The following SLC25A31 variants were observed in gnomAD, a reference collection of about 807,000 sequenced individuals.
The protein encoded by SLC25A31 is ADP/ATP translocase 4.
SLC25A31 carries 40 observed loss-of-function variants against 36.2 expected under a neutral mutation model. The observed-to-expected ratio is 1.10, with a 90% CI of 0.86 to 1.44. The LOEUF is 1.44. SLC25A31 is among the 40% of genes most tolerant of loss of function. SLC25A31 has a pLI of 0.00. For missense variants in SLC25A31, 350 were observed against 397.1 expected, an observed-to-expected ratio of 0.88 and a Z score of 1.01; for synonymous variants, 143 against 149.7, an observed-to-expected ratio of 0.96 and a Z score of 0.32.
intron 1 of SLC25A31, among the ~76,000 whole-genome samples, chr4:127,735,872 A>ATTTTTTTT (rs1560630379): frequency 1.2e-5 from 1 of 84,470 alleles, no homozygotes; most frequent in African/African-American, 3.7e-5. Flanking sequence ...CTTTTATTTT[A>ATTTTTTTT]TTTATTTATT....
At chr4:127,764,629 C>T (rs1379337113) in intron 3 of SLC25A31, among the ~76,000 whole-genome samples, 8 of 151,998 alleles carry the variant, frequency 5.3e-5, no homozygotes, top group African/African-American at 1.9e-4. Flanking sequence ...AAAGCCCTTC[C>T]TAGATTTTTT....
rs756860017 is a variant in SLC25A31 at position 127,730,669 on chromosome 4, G to A, written c.124G>A (p.Glu42Lys). ...GTCCAAGACAGCGGTGGCGCCCATC[G>A]AGCGGGTGAAGCTGCTGCTGCAGGT... is the stretch of plus-strand genomic sequence containing the variant. ...AVSKTAVAPI[E>K]RVKLLLQVQA... The change falls in exon 1 of 6, where the codon GAG becomes AAG. Residue 42 changes from glutamate to lysine, a missense_variant. Glu to Lys is a moderately conservative substitution (Grantham distance 56). Transcript: ENST00000281154. The A allele has an allele frequency of 2.5e-6, 4 of 1,613,890 alleles. No individual in the cohort carries two copies. Among genetic ancestry groups the A allele is most frequent in the Non-Finnish European group, 3.4e-6 (4 of 1,179,946 alleles).
rs1732146385 is a variant in SLC25A31, at chr4:127,761,797, G to T, written c.361-2446G>T. 3.9e-5 allele frequency among the ~76,000 whole-genome samples: 6 copies of T among 152,262 alleles called. 1 individual carries two copies. In the South Asian group the frequency reaches 1.2e-3, roughly 32 times the overall value. ...TATAGCTTTAAACAGTCTCCAAAAA[G>T]TCTAAGACATTAACTTTTCCTTTTC... On this transcript the variant is annotated intron_variant, in intron 2 of 5. Coordinates refer to ENST00000281154, the MANE Select transcript of SLC25A31 (RefSeq NM_031291.4).
intron 1 of SLC25A31, among the ~76,000 whole-genome samples, chr4:127,741,719 T>C (rs1291615003): frequency 6.6e-6 from 1 of 152,200 alleles, no homozygotes; most frequent in Non-Finnish European, 1.5e-5. Flanking sequence ...CGGGGTAATG[T>C]TGGCCTTGTA....
chr4:127,749,250 T>C (rs1216281751), intron 2 of SLC25A31, among the ~76,000 whole-genome samples: 1 of 151,958 alleles, frequency 6.6e-6, no homozygotes, highest in Non-Finnish European at 1.5e-5. Flanking sequence ...ATATAAAGAC[T>C]GAAGAAAGCA....
intron 5 of SLC25A31, 81 bp downstream of exon 5, chr4:127,768,958 G>A: frequency 3.0e-6 from 4 of 1,336,598 alleles, no homozygotes; most frequent in Non-Finnish European, 4.0e-6. Context: ...TAAGAGAAAT[G>A]TTGGCTGAAA....
chr4:127,766,980 C>A, intron 3 of SLC25A31, 86 bp from the exon 4 acceptor site: 1 of 1,155,520 alleles, frequency 8.7e-7, no homozygotes, highest in Non-Finnish European at 1.2e-6. Flanking sequence ...AATTTCAGAT[C>A]ATTTAGATCT....
At position 127,757,458 on chromosome 4, in the gene SLC25A31, A is replaced by T. The variant is rs541137838; in HGVS notation, c.361-6785A>T. Among the ~76,000 whole-genome samples, 64 of 152,290 alleles carry T rather than the reference A, an allele frequency of 4.2e-4. No homozygotes were observed. The South Asian group carries it at 0.012, about 30-fold the overall frequency. ...AGCTGCATCCATGTTGCTGCCAAGG[A>T]CATTATTTCATTCTTTTTTTAAAGC... is the stretch of plus-strand genomic sequence containing the variant. On this transcript the variant is annotated intron_variant, in intron 2 of 5. Coordinates refer to ENST00000281154, the MANE Select transcript of SLC25A31 (RefSeq NM_031291.4).
chr4:127,743,086 C>G (rs375997770), intron 1 of SLC25A31, among the ~76,000 whole-genome samples: 3 of 146,566 alleles, frequency 2.0e-5, no homozygotes, highest in Non-Finnish European at 4.5e-5. Flanking sequence ...GATTTTAAGT[C>G]TTGGTTGGCT....
intron 3 of SLC25A31, among the ~76,000 whole-genome samples, chr4:127,766,152 G>T (rs7684155): frequency 0.27 from 10,110 of 37,964 alleles, 488 homozygotes; most frequent in Middle Eastern, 0.4. Flanking sequence ...TTTTTTATTT[G>T]TTTTTTTTTT....
rs576383370 is a variant in SLC25A31 at position 127,732,152 on chromosome 4, A to G, written c.232+1375A>G. The stretch of plus-strand genomic sequence containing the variant: ...AAAATCTGTATGATCTTTTAAAAAG[A>G]AATAGACATTTATTGTGTATTCTCA... On this transcript the variant is annotated intron_variant, in intron 1 of 5. Transcript: ENST00000281154. Among the ~76,000 whole-genome samples the G allele has an allele frequency of 7.9e-5, 12 of 152,364 alleles. No individual in the cohort carries two copies. The South Asian group carries it at 2.5e-3, about 32-fold the overall frequency.
intron 1 of SLC25A31, among the ~76,000 whole-genome samples, chr4:127,743,130 C>CTTTT (rs57035802): frequency 7.8e-6 from 1 of 128,042 alleles, no homozygotes; most frequent in Admixed American, 7.8e-5. Flanking sequence ...TTTTTCTTTT[C>CTTTT]TTTTTTTTTT....
intron 5 of SLC25A31, 121 bp from the exon 6 acceptor site, chr4:127,773,265 C>A: frequency 1.3e-6 from 1 of 783,366 alleles, no homozygotes; most frequent in Non-Finnish European, 1.9e-6. Flanking sequence ...GCCATATATG[C>A]CTATTAACAC....
At chr4:127,735,888 A>T (rs4834215) in intron 1 of SLC25A31, among the ~76,000 whole-genome samples, 2,900 of 47,280 alleles carry the variant, frequency 0.061, 144 homozygotes, top group East Asian at 0.15. Context: ...TTATTTATTT[A>T]TTTATTTATT....
In SLC25A31 at chr4:127,730,414, C is replaced by T. The variant is rs778732752; in HGVS notation, c.-132C>T. The T allele has an allele frequency of 3.8e-5, 38 of 1,007,390 alleles. No individual in the cohort carries two copies. Among genetic ancestry groups the T allele is most frequent in the Non-Finnish European group, 4.6e-5 (32 of 694,818 alleles). 62.4% of individuals were successfully genotyped at this position (1,007,390 alleles called of 1,614,324 possible). On this transcript the variant is annotated 5_prime_UTR_variant, in exon 1 of 6. Transcript: ENST00000281154. Reference sequence around the variant, plus strand: ...GCACGCGCCTCGCCGGCGCGCGGCTCTCTCAGCGTCCCAAGAGCCACTTTC... The same window carrying T: ...GCACGCGCCTCGCCGGCGCGCGGCTTTCTCAGCGTCCCAAGAGCCACTTTC...
chr4:127,752,069 G>GTA (rs1463477908), intron 2 of SLC25A31, among the ~76,000 whole-genome samples: 1 of 152,192 alleles, frequency 6.6e-6, no homozygotes. Flanking sequence ...CCATTACTGA[G>GTA]TATATACCCA....
chr4:127,744,668 G>A lies in SLC25A31; in HGVS notation c.233-4G>A, dbSNP rs1300326571. ...TTTATGTATTTATATGTTTCCCTCT[G>A]TAGGTTTCTTCAGTTTTTGGCGTGG... On this transcript the variant is annotated splice_region_variant and splice_polypyrimidine_tract_variant and intron_variant, in intron 1 of 5. Transcript: ENST00000281154. 1.3e-6 allele frequency: 2 copies of A among 1,591,348 alleles called. No individual in the cohort carries two copies. Among genetic ancestry groups the A allele is most frequent in the South Asian group, 2.3e-5 (2 of 86,122 alleles).
intron 3 of SLC25A31, among the ~76,000 whole-genome samples, chr4:127,765,196 G>A (rs1353161082): frequency 6.6e-6 from 1 of 152,168 alleles, no homozygotes; most frequent in African/African-American, 2.4e-5. Flanking sequence ...TCAGGGTGAG[G>A]TTGTGGATAT....
chr4:127,749,852 A>G (rs2148757938), intron 2 of SLC25A31, among the ~76,000 whole-genome samples: 1 of 152,288 alleles, frequency 6.6e-6, no homozygotes, highest in East Asian at 1.9e-4. Flanking sequence ...CCTGAGCAAT[A>G]TAGCAAGACC....
Sources: gnomAD v4.1 joint callset for allele counts (sites outside exome capture counted in the v4.1 genomes callset) on GRCh38, gnomAD v4.1.1 for gene constraint, MANE v1.5 for transcripts, NCBI Gene and HGNC (gene_info 2026-07-23, HGNC 2026-07-21) for gene names.